The following MYO7B variants were observed in gnomAD, a reference collection of about 807,000 sequenced individuals.
MYO7B encodes the protein unconventional myosin-VIIb.
A neutral mutation model predicts 259.7 loss-of-function variants in MYO7B; 212 were observed. The ratio of observed to expected loss-of-function variants is 0.82; its 90% CI spans 0.73 to 0.91. MYO7B has a LOEUF of 0.91. Among genes scored for constraint, MYO7B ranks in the 40% least tolerant of loss-of-function variants. The pLI, the probability that MYO7B is intolerant of heterozygous loss-of-function variation, is 0.00. For synonymous variants in MYO7B, 1,197 were observed against 1,166.4 expected (o/e 1.03, Z -0.54); for missense variants, 2,732 against 2,813.5 (o/e 0.97, Z 0.66).
At chr2:127,544,603 T>C (rs1290777480) in intron 1 of MYO7B, among the ~76,000 whole-genome samples, 4 of 100,228 alleles carry the variant, frequency 4.0e-5, no homozygotes, top group Non-Finnish European at 5.9e-5. Context: ...TTTTTTGAGG[T>C]GGAGTCTCGC....
At chr2:127,620,545 G>T (rs956468995) in intron 27 of MYO7B, 79 bp downstream of exon 27, 21 of 1,389,228 alleles carry the variant, frequency 1.5e-5, no homozygotes, top group Middle Eastern at 2.7e-4. Context: ...CCTGGAGCAG[G>T]TCCACAGATT....
intron 3 of MYO7B, among the ~76,000 whole-genome samples, chr2:127,564,664 G>C (rs1488676095): frequency 2.0e-5 from 3 of 152,136 alleles, no homozygotes; most frequent in Non-Finnish European, 2.9e-5. Context: ...GGGCCAGCTA[G>C]GTGGTGAGCA....
chr2:127,624,150 C>A lies in MYO7B; in HGVS notation c.3877C>A (p.Gln1293Lys). ...GATGGATGCCATCGCCCGGTGTGAG[C>A]AGATGGCCCAGGAGAGGGGCGAGAG... ...HMMDAIARCEQMAQERGESQR... is the reference protein window; with the variant it reads ...HMMDAIARCEKMAQERGESQR... Residue 1293 changes from glutamine to lysine, a missense_variant, in exon 30 of 48, where the codon CAG becomes AAG. Around this residue, in one of 3 missense-constraint regions of MYO7B, gnomAD observed 1,906 missense variants for 2,026.4 expected, o/e 0.94. Coordinates refer to ENST00000409816, the MANE Select transcript of MYO7B (RefSeq NM_001393586.1). 6.3e-7 allele frequency: 1 copy of A among 1,595,092 alleles called. No individual in the cohort carries two copies. The highest frequency in any genetic ancestry group is 1.1e-5 in the South Asian group (1 of 87,768).
At position 127,629,664 on chromosome 2, in the gene MYO7B, C is replaced by T. The variant is rs1681354384; in HGVS notation, c.4644C>T (p.Ala1548=). The T allele has an allele frequency of 1.2e-6, 2 of 1,612,230 alleles. No homozygotes were observed. Among genetic ancestry groups the T allele is most frequent in the African/African-American group, 1.3e-5 (1 of 74,916 alleles). The change falls in exon 35 of 48, where the codon GCC becomes GCT. Residue 1548 remains alanine, a synonymous_variant. Coordinates refer to ENST00000409816, the MANE Select transcript of MYO7B (RefSeq NM_001393586.1). ...RKATDDTTLL[A]FKKGDLLVLT... is the part of the protein sequence containing the mutation. ...TTACAGATGACACCACCCTCCTGGC[C>T]TTCAAGAAGGGGGACCTGTTGGTCC...
Position 127,632,293 on chromosome 2 carries a change from T to A in MYO7B, c.5297T>A (p.Leu1766His), listed in dbSNP as rs1389412674. 1 of 1,611,602 alleles carries A rather than the reference T, an allele frequency of 6.2e-7. No homozygotes were observed. Among genetic ancestry groups the A allele is most frequent in the Admixed American group, 1.7e-5 (1 of 59,884 alleles). The change falls in exon 39 of 48, where the codon CTC becomes CAC. Residue 1766 changes from leucine (L) to histidine (H), a missense_variant. Leu to His is a moderately conservative substitution (Grantham distance 99). Transcript: ENST00000409816. ...CAGCTGCTGTGGCTGTGCACGGGCCTCTTCCCGCCCAGCAAGGGGCTGCTG... is the reference window on the plus strand; with the variant it reads ...CAGCTGCTGTGGCTGTGCACGGGCCACTTCCCGCCCAGCAAGGGGCTGCTG... ...GWQLLWLCTG[L>H]FPPSKGLLPH...
chr2:127,635,374 C>T (rs1681746597), intron 43 of MYO7B, 148 bp downstream of exon 43: 8 of 738,128 alleles, frequency 1.1e-5, no homozygotes, highest in Admixed American at 2.6e-5. Context: ...CCCCTGAGGG[C>T]TCTGGAACCA....
intron 5 of MYO7B, among the ~76,000 whole-genome samples, chr2:127,567,619 C>G (rs1032393809): frequency 6.6e-6 from 1 of 152,196 alleles, no homozygotes; most frequent in African/African-American, 2.4e-5. Flanking sequence ...GCCCCATGCA[C>G]CCCAACTCAG....
At chr2:127,583,198 C>T (rs908307530) in intron 12 of MYO7B, among the ~76,000 whole-genome samples, 8 of 152,236 alleles carry the variant, frequency 5.3e-5, no homozygotes, top group Non-Finnish European at 7.3e-5. Context: ...CTCCTCTGGG[C>T]CCTGTCTGAG....
At position 127,609,483 on chromosome 2, in the gene MYO7B, G is replaced by A. The variant is rs149798169; in HGVS notation, c.2815-23G>A. The A allele has an allele frequency of 1.3e-4, 202 of 1,596,488 alleles. 1 individual carries two copies. The East Asian group carries it at 3.6e-3, about 29-fold the overall frequency. On this transcript the variant is annotated intron_variant, in intron 22 of 47. Transcript: ENST00000409816. This position sits in a 1 kb window ranked among gnomAD's most constrained non-coding sequence, Gnocchi z 6.9. Reference sequence around the variant, plus strand: ...TGTTACCTGAAAGCCCTGCTGACCCGTGTTCTCCCTCAATGGCCGTAGGAT... The same window carrying A: ...TGTTACCTGAAAGCCCTGCTGACCCATGTTCTCCCTCAATGGCCGTAGGAT...
At position 127,585,776 on chromosome 2, in the gene MYO7B, T is replaced by C. The variant is rs1169513551; in HGVS notation, c.1690+863T>C. 6.6e-6 allele frequency among the ~76,000 whole-genome samples: 1 copy of C among 152,200 alleles called. No individual in the cohort carries two copies. Among genetic ancestry groups the C allele is most frequent in the Non-Finnish European group, 1.5e-5 (1 of 68,034 alleles). ...GTCTTTGTTATTATAGCTACCCTAG[T>C]GGGTTTGAAGTCTCAATGTGATTTG... On this transcript the variant is annotated intron_variant, in intron 14 of 47. Transcript: ENST00000409816. This position sits in a 1 kb window ranked among gnomAD's most constrained non-coding sequence, Gnocchi z 4.3.
rs1678227016 is a variant in MYO7B, at chr2:127,564,163, T to A, written c.29T>A (p.Val10Glu). MSGFRLGDH[V>E]WLEPPSTHKT... is the part of the protein sequence containing the mutation. ...CTGTCTGCCCTCCAGGGTGACCACGTGTGGCTGGAGCCTCCCTCCACCCAC... is the reference window on the plus strand; with the variant it reads ...CTGTCTGCCCTCCAGGGTGACCACGAGTGGCTGGAGCCTCCCTCCACCCAC... Residue 10 changes from valine to glutamate, a missense_variant, in exon 3 of 48, where the codon GTG becomes GAG. This residue lies in a region of MYO7B where 1,906 missense variants were observed against 2,026.4 expected (regional missense o/e 0.94). Coordinates refer to ENST00000409816, the MANE Select transcript of MYO7B (RefSeq NM_001393586.1). The A allele has an allele frequency of 1.3e-6, 2 of 1,565,196 alleles. No individual in the cohort carries two copies. The highest frequency in any genetic ancestry group is 1.7e-6 in the Non-Finnish European group (2 of 1,155,228).
chr2:127,608,961 G>A (rs1680269934), intron 22 of MYO7B, 83 bp downstream of exon 22: 11 of 1,503,890 alleles, frequency 7.3e-6, no homozygotes, highest in Non-Finnish European at 9.9e-6. Flanking sequence ...CCACCTCTCG[G>A]CTCCCTGAGA....
At chr2:127,554,023 CTTT>C (rs1693548861) in intron 1 of MYO7B, among the ~76,000 whole-genome samples, 1 of 152,048 alleles carries the variant, frequency 6.6e-6, no homozygotes, top group Non-Finnish European at 1.5e-5. Flanking sequence ...GATCATGTAA[CTTT>C]TGTTTTTAAT....
rs1391031651 is a variant in MYO7B at position 127,577,031 on chromosome 2, G to C, written c.849+323G>C. On this transcript the variant is annotated intron_variant, in intron 8 of 47. Coordinates refer to ENST00000409816, the MANE Select transcript of MYO7B (RefSeq NM_001393586.1). The surrounding 1 kb of genome is among the most constrained non-coding windows in gnomAD (Gnocchi z 5.2). ...ACAGGGAGTTGCCCACATGCCTCCT[G>C]CTCCTGATTTCACTCCAATTGTCTG... Among the ~76,000 whole-genome samples, 1 of 152,054 alleles carries C rather than the reference G, an allele frequency of 6.6e-6. No homozygotes were observed. Among genetic ancestry groups the C allele is most frequent in the Non-Finnish European group, 1.5e-5 (1 of 67,966 alleles).
rs1679534392 is a variant in MYO7B at position 127,590,942 on chromosome 2, C to G, written c.1992+713C>G. Among the ~76,000 whole-genome samples the G allele has an allele frequency of 6.6e-6, 1 of 152,120 alleles. No individual in the cohort carries two copies. Among genetic ancestry groups the G allele is most frequent in the African/African-American group, 2.4e-5 (1 of 41,402 alleles). On this transcript the variant is annotated intron_variant, in intron 16 of 47. Transcript: ENST00000409816. This position sits in a 1 kb window ranked among gnomAD's most constrained non-coding sequence, Gnocchi z 4.6. ...GGTGCAGTAGCTCACGCTTGTAATCCCAGCACTTTGGGAGGCTGAGGCGGG... is the reference window on the plus strand; with the variant it reads ...GGTGCAGTAGCTCACGCTTGTAATCGCAGCACTTTGGGAGGCTGAGGCGGG...
chr2:127,612,891 C>T (rs930139), intron 26 of MYO7B, among the ~76,000 whole-genome samples: 24,240 of 152,228 alleles, frequency 0.16, 2,209 homozygotes, highest in South Asian at 0.3. Flanking sequence ...ATGGCTTCCT[C>T]ATTTATATTA....
chr2:127,567,562 G>A (rs763535831), intron 5 of MYO7B, among the ~76,000 whole-genome samples: 23 of 152,336 alleles, frequency 1.5e-4, no homozygotes, highest in South Asian at 6.2e-4. Context: ...GTCTGCACCC[G>A]TTGTTCCAGG....
chr2:127,565,339 G>T lies in MYO7B; in HGVS notation c.239G>T (p.Gly80Val). The change falls in exon 4 of 48, where the codon GGC becomes GTC. Residue 80 changes from glycine to valine, a missense_variant. Coordinates refer to ENST00000409816, the MANE Select transcript of MYO7B (RefSeq NM_001393586.1). ...MIRLGDLNEA[G>V]MVHNLLIRYQ... Reference sequence around the variant, plus strand: ...CGCCTGGGGGACCTGAACGAGGCAGGCATGGTGCACAACCTCCTGATCCGC... The same window carrying T: ...CGCCTGGGGGACCTGAACGAGGCAGTCATGGTGCACAACCTCCTGATCCGC... The T allele has an allele frequency of 6.2e-7, 1 of 1,614,032 alleles. No individual in the cohort carries two copies. The highest frequency in any genetic ancestry group is 1.1e-5 in the South Asian group (1 of 91,086).
chr2:127,632,801 C>G (rs577119126), intron 39 of MYO7B, among the ~76,000 whole-genome samples: 2 of 152,338 alleles, frequency 1.3e-5, no homozygotes, highest in South Asian at 2.1e-4. Context: ...TGCTCTCCCC[C>G]ACCCCTCCTG....
Sources: allele counts gnomAD v4.1 joint callset (sites outside exome capture counted in the v4.1 genomes callset), GRCh38; gene constraint gnomAD v4.1.1; regional missense constraint gnomAD v4.1.1; non-coding constraint Gnocchi (gnomAD v3.1); transcripts MANE v1.5; gene names NCBI Gene and HGNC (gene_info 2026-07-23, HGNC 2026-07-21).